The following RPL27A variants were observed in gnomAD, a reference collection of about 807,000 sequenced individuals.
RPL27A encodes ribosomal protein L27a.
For synonymous variants in RPL27A, 69 were observed against 68.3 expected (o/e 1.01, Z -0.05); for missense variants, 118 against 189.4 (o/e 0.62, Z 2.21).
chr11:8,684,419 T>C, intron 3 of RPL27A: 1 of 716,288 alleles, frequency 1.4e-6, no homozygotes, highest in Non-Finnish European at 2.6e-6. Context: ...AGACGTTTAT[T>C]ATAGGAGTAT....
chr11:8,688,998 C>T lies in RPL27A; in HGVS notation c.*3192C>T, dbSNP rs550389180. Reference sequence around the variant, plus strand: ...CACTTCCGGTGAGTAGCTTCTACTTCCGGAGACGATGACTCCCCCGCGTCC... The same window carrying T: ...CACTTCCGGTGAGTAGCTTCTACTTTCGGAGACGATGACTCCCCCGCGTCC... On this transcript the variant is annotated 3_prime_UTR_variant, in exon 5 of 5. Transcript: ENST00000314138. The T allele has an allele frequency of 8.9e-4, 136 of 152,398 alleles. No homozygotes were observed. Among genetic ancestry groups the T allele is most frequent in the African/African-American group, 3.0e-3 (126 of 41,594 alleles). The allele number at this position is 152,398 out of a possible 1,614,324, so 9.4% of individuals were successfully genotyped here.
chr11:8,685,451 G>A (rs1301991678), intron 4 of RPL27A: 2 of 699,844 alleles, frequency 2.9e-6, no homozygotes, highest in Non-Finnish European at 2.6e-6. Context: ...CGAGACTAGA[G>A]TCACATCCTG....
intron 3 of RPL27A, 164 bp from the exon 4 acceptor site, chr11:8,684,554 G>A (rs1026120237): frequency 2.9e-6 from 2 of 683,096 alleles, no homozygotes; most frequent in African/African-American, 3.6e-5. Flanking sequence ...ATAGTCTTTG[G>A]TGGTTTTTAA....
At chr11:8,683,373 CA>C (rs2039529731) in intron 2 of RPL27A, 108 bp downstream of exon 2, 3 of 881,842 alleles carry the variant, frequency 3.4e-6, no homozygotes, top group African/African-American at 1.7e-5. Context: ...TTTTTGTGGT[CA>C]AGTTGCACAG....
Position 8,685,767 on chromosome 11 carries a change from G to T in RPL27A, c.408G>T (p.Lys136Asn). The T allele has an allele frequency of 6.2e-7, 1 of 1,614,072 alleles. No homozygotes were observed. Residue 136 changes from lysine (K) to asparagine (N), a missense_variant, in exon 5 of 5, where the codon AAG (lysine) becomes AAT (asparagine). Coordinates refer to ENST00000314138, the MANE Select transcript of RPL27A (RefSeq NM_000990.5). ...AKFFSRRAEE[K>N]IKSVGGACVL... is the part of the protein sequence containing the mutation. ...TCTTCAGCAGAAGAGCTGAGGAGAAGATTAAGAGTGTTGGGGGGGCCTGTG... is the reference window on the plus strand; with the variant it reads ...TCTTCAGCAGAAGAGCTGAGGAGAATATTAAGAGTGTTGGGGGGGCCTGTG...
rs2039583119 is a variant in RPL27A, at chr11:8,685,914, T to A, written c.*108T>A. On this transcript the variant is annotated 3_prime_UTR_variant, in exon 5 of 5. Coordinates refer to ENST00000314138, the MANE Select transcript of RPL27A (RefSeq NM_000990.5). ...TCCTGTGTGCATTGGGAGCCCAGGT[T>A]CTAGTACTTAGGGTATGAAGACATG... 3.7e-6 allele frequency: 4 copies of A among 1,092,394 alleles called. No homozygotes were observed. The highest frequency in any genetic ancestry group is 2.2e-5 in the Admixed American group (1 of 44,538). The allele number at this position is 1,092,394 out of a possible 1,614,324, so 67.7% of individuals were successfully genotyped here.
chr11:8,684,159 T>A (rs1333802458), intron 3 of RPL27A, 78 bp downstream of exon 3: 3 of 1,216,548 alleles, frequency 2.5e-6, no homozygotes, highest in African/African-American at 3.0e-5. Context: ...AACAAAAAGT[T>A]TAGAAGCAAG....
chr11:8,683,625 ACT>A (rs1189846278), intron 2 of RPL27A: 8 of 482,764 alleles, frequency 1.7e-5, no homozygotes, highest in Non-Finnish European at 2.3e-5. Context: ...TCTGGGAAAC[ACT>A]CTGCTTTTGT....
Position 8,688,921 on chromosome 11 carries a change from G to C in RPL27A, c.*3115G>C, listed in dbSNP as rs942847117. The stretch of plus-strand genomic sequence containing the variant: ...CAGTCAGCACGACCCGACCTCAGTG[G>C]CGTCCTCACAACACAGACCGGACCT... On this transcript the variant is annotated 3_prime_UTR_variant, in exon 5 of 5. Transcript: ENST00000314138. 1 of 152,298 alleles carries C rather than the reference G, an allele frequency of 6.6e-6. No individual in the cohort carries two copies. Among genetic ancestry groups the C allele is most frequent in the African/African-American group, 2.4e-5 (1 of 41,474 alleles). The allele number at this position is 152,298 out of a possible 1,614,324, so 9.4% of individuals were successfully genotyped here. A position where few individuals can be genotyped will look rare whatever the true frequency, so the allele number is the denominator to read the frequency against.
chr11:8,684,112 C>T lies in RPL27A; in HGVS notation c.143+31C>T, dbSNP rs758372270. 12 of 1,578,598 alleles carry T rather than the reference C, an allele frequency of 7.6e-6. No individual in the cohort carries two copies. In the African/African-American group the frequency reaches 9.4e-5, roughly 12 times the overall value. On this transcript the variant is annotated intron_variant, in intron 3 of 4. Coordinates refer to ENST00000314138, the MANE Select transcript of RPL27A (RefSeq NM_000990.5). ...TGTCCTTGGACTGCTTTTATTGACA[C>T]AGCTTGGGAGGTAGGGGCAGAGAGA...
At chr11:8,684,928 C>A (rs755772327) in intron 4 of RPL27A, 36 bp downstream of exon 4, 35 of 1,598,062 alleles carry the variant, frequency 2.2e-5, no homozygotes, top group Non-Finnish European at 3.0e-5. Flanking sequence ...ACTTCCATAC[C>A]TTCCCTTACA....
In RPL27A at chr11:8,686,792, A is replaced by G. The variant is rs1168864850; in HGVS notation, c.*986A>G. On this transcript the variant is annotated 3_prime_UTR_variant, in exon 5 of 5. Transcript: ENST00000314138. ...AACTGATGGTGACCAATTCATGTTT[A>G]CAAATAAGATCCTCATAGATCTCGG... 1 of 152,216 alleles carries G rather than the reference A, an allele frequency of 6.6e-6. No individual in the cohort carries two copies. The allele number at this position is 152,216 out of a possible 1,614,324, so 9.4% of individuals were successfully genotyped here.
chr11:8,685,384 G>A (rs968400827), intron 4 of RPL27A: 1 of 594,562 alleles, frequency 1.7e-6, no homozygotes, highest in African/African-American at 1.8e-5. Flanking sequence ...TCAGGAAGGT[G>A]GTTGTCTTCT....
rs2039593853 is a variant in RPL27A at position 8,687,153 on chromosome 11, C to T, written c.*1347C>T. On this transcript the variant is annotated 3_prime_UTR_variant, in exon 5 of 5. Coordinates refer to ENST00000314138, the MANE Select transcript of RPL27A (RefSeq NM_000990.5). ...AATTTTAAACAAATGTATCATTTGG[C>T]TTGTATCTTCTGTTGTGCTGGAGAA... The T allele has an allele frequency of 6.6e-6, 1 of 152,238 alleles. No individual in the cohort carries two copies. Among genetic ancestry groups the T allele is most frequent in the Non-Finnish European group, 1.5e-5 (1 of 68,050 alleles). 9.4% of individuals were successfully genotyped at this position (152,238 alleles called of 1,614,324 possible).
chr11:8,683,765 C>T, intron 2 of RPL27A: 1 of 545,902 alleles, frequency 1.8e-6, no homozygotes, highest in East Asian at 3.3e-5. Flanking sequence ...GCAACCCCTG[C>T]CTGCCGGGCT....
rs1161313883 is a variant in RPL27A at position 8,688,236 on chromosome 11, C to A, written c.*2430C>A. The A allele has an allele frequency of 7.2e-5, 11 of 152,092 alleles. No homozygotes were observed. Among genetic ancestry groups the A allele is most frequent in the Non-Finnish European group, 1.6e-4 (11 of 68,026 alleles). 9.4% of individuals were successfully genotyped at this position (152,092 alleles called of 1,614,324 possible). On this transcript the variant is annotated 3_prime_UTR_variant, in exon 5 of 5. Coordinates refer to ENST00000314138, the MANE Select transcript of RPL27A (RefSeq NM_000990.5). ...ACTTGGAGACTGAATTGTAGTGGGC[C>A]GACCACAAAATGATAAGGCATGGAA...
chr11:8,683,974 C>T (rs2039549415), intron 2 of RPL27A, 32 bp from the exon 3 acceptor site: 1 of 1,592,256 alleles, frequency 6.3e-7, no homozygotes, highest in Non-Finnish European at 8.6e-7. Context: ...TGAGCCATCA[C>T]ACCGGCCCCA....
chr11:8,688,194 A>T lies in RPL27A; in HGVS notation c.*2388A>T, dbSNP rs879474853. 6.6e-6 allele frequency: 1 copy of T among 152,276 alleles called. No individual in the cohort carries two copies. Among genetic ancestry groups the T allele is most frequent in the East Asian group, 1.9e-4 (1 of 5,196 alleles). 9.4% of individuals were successfully genotyped at this position (152,276 alleles called of 1,614,324 possible). A position where few individuals can be genotyped will look rare whatever the true frequency, so the allele number is the denominator to read the frequency against. On this transcript the variant is annotated 3_prime_UTR_variant, in exon 5 of 5. Coordinates refer to ENST00000314138, the MANE Select transcript of RPL27A (RefSeq NM_000990.5). The stretch of plus-strand genomic sequence containing the variant: ...TGAGTATGGAAAAGGTACGATTCAG[A>T]CGGCATAATGGACGGGACTTGGAGA...
rs924596251 is a variant in RPL27A at position 8,688,193 on chromosome 11, G to A, written c.*2387G>A. 1 of 152,294 alleles carries A rather than the reference G, an allele frequency of 6.6e-6. No individual in the cohort carries two copies. Among genetic ancestry groups the A allele is most frequent in the East Asian group, 1.9e-4 (1 of 5,204 alleles). 9.4% of individuals were successfully genotyped at this position (152,294 alleles called of 1,614,324 possible). A position where few individuals can be genotyped will look rare whatever the true frequency, so the allele number is the denominator to read the frequency against. ...GTGAGTATGGAAAAGGTACGATTCA[G>A]ACGGCATAATGGACGGGACTTGGAG... On this transcript the variant is annotated 3_prime_UTR_variant, in exon 5 of 5. Coordinates refer to ENST00000314138, the MANE Select transcript of RPL27A (RefSeq NM_000990.5).
Sources: allele counts gnomAD v4.1 joint callset, GRCh38; gene constraint gnomAD v4.1.1; transcripts MANE v1.5; gene names NCBI Gene and HGNC (gene_info 2026-07-23, HGNC 2026-07-21).